RPA3: variants seen among roughly 807,000 people sequenced by gnomAD.
RPA3 encodes replication protein A3.
Under a neutral mutation model 13.7 loss-of-function variants are expected in RPA3, and 24 were observed. That is an observed-to-expected ratio of 1.75 (90% confidence interval 1.27 to 2.46). RPA3 has a LOEUF of 2.46. Ranked by LOEUF, RPA3 falls within the 30% of genes most tolerant of loss-of-function variation. The pLI, the probability that RPA3 is intolerant of heterozygous loss-of-function variation, is 0.00. For synonymous variants in RPA3, 59 were observed against 51.2 expected, an observed-to-expected ratio of 1.15 and a Z score of -0.65; for missense variants, 183 against 151.0, an observed-to-expected ratio of 1.21 and a Z score of -1.11.
chr7:7,637,080 G>C lies in RPA3; in HGVS notation c.286C>G (p.Leu96Val). ...QFKEDSHPFDLGLYNEAVKII... is the reference protein window; with the variant it reads ...QFKEDSHPFDVGLYNEAVKII... ...TTCACAGCTTCATTGTAAAGTCCAAGATCTGAAAGAAACATTTAAGCAAAC... is the reference window on the plus strand; with the variant it reads ...TTCACAGCTTCATTGTAAAGTCCAACATCTGAAAGAAACATTTAAGCAAAC... Residue 96 changes from leucine (L) to valine (V), a missense_variant and splice_region_variant, in exon 8 of 8, where the codon CTT (leucine) becomes GTT (valine). By Grantham distance (32) the Leu-to-Val change is conservative. Coordinates refer to ENST00000223129, the MANE Select transcript of RPA3 (RefSeq NM_002947.5). 3.1e-6 allele frequency: 5 copies of C among 1,600,948 alleles called. No homozygotes were observed. The highest frequency in any genetic ancestry group is 4.3e-6 in the Non-Finnish European group (5 of 1,168,462).
intron 1 of RPA3, among the ~76,000 whole-genome samples, chr7:7,716,193 T>C (rs987919839): frequency 2.0e-5 from 3 of 152,102 alleles, no homozygotes; most frequent in African/African-American, 7.2e-5. Flanking sequence ...CCATAGGTAG[T>C]TTTAGATGCC....
At chr7:7,655,697 A>G (rs1448432374) in intron 4 of RPA3, among the ~76,000 whole-genome samples, 3 of 152,248 alleles carry the variant, frequency 2.0e-5, no homozygotes, top group Non-Finnish European at 4.4e-5. Flanking sequence ...ATGATGTGAC[A>G]TTACATTTAG....
rs551809383 is a variant in RPA3, at chr7:7,640,480, C to T, written c.-62G>A. On this transcript the variant is annotated 5_prime_UTR_variant, in exon 5 of 8. Transcript: ENST00000223129. ...CGGACGACTGAAACTGTGCGCCCCGCGGGTGTCTATGGGGCAGATTTCTCG... is the reference window on the plus strand; with the variant it reads ...CGGACGACTGAAACTGTGCGCCCCGTGGGTGTCTATGGGGCAGATTTCTCG... The T allele has an allele frequency of 2.6e-6, 4 of 1,514,276 alleles. No homozygotes were observed. The highest frequency in any genetic ancestry group is 2.3e-5 in the East Asian group (1 of 44,238). The allele number at this position is 1,514,276 out of a possible 1,614,324, so 93.8% of individuals were successfully genotyped here.
At chr7:7,666,045 G>T (rs1261522237) in intron 4 of RPA3, among the ~76,000 whole-genome samples, 1 of 152,054 alleles carries the variant, frequency 6.6e-6, no homozygotes, top group African/African-American at 2.4e-5. Context: ...AAGTTATATG[G>T]TGGATATATG....
rs1028204717 is a variant in RPA3 at position 7,717,461 on chromosome 7, C to A, written c.-1080+1054G>T. Among the ~76,000 whole-genome samples the A allele has an allele frequency of 9.2e-5, 14 of 152,334 alleles. 1 individual carries two copies. The highest frequency in any genetic ancestry group is 8.5e-4 in the Admixed American group (13 of 15,296). On this transcript the variant is annotated intron_variant, in intron 1 of 7. Coordinates refer to ENST00000223129, the MANE Select transcript of RPA3 (RefSeq NM_002947.5). Reference sequence around the variant, plus strand: ...AGACGATAACCTCAGGTATTTACCTCAGACAACTCTGCTACTTCAGAAGTA... The same window carrying A: ...AGACGATAACCTCAGGTATTTACCTAAGACAACTCTGCTACTTCAGAAGTA...
At chr7:7,658,456 A>G (rs575771330) in intron 4 of RPA3, among the ~76,000 whole-genome samples, 3 of 152,328 alleles carry the variant, frequency 2.0e-5, no homozygotes, top group African/African-American at 7.2e-5. Flanking sequence ...TTTGTCATAA[A>G]TAGCTCTTAT....
At chr7:7,656,781 G>A (rs576334110) in intron 4 of RPA3, among the ~76,000 whole-genome samples, 4 of 152,222 alleles carry the variant, frequency 2.6e-5, no homozygotes, top group South Asian at 2.1e-4. Flanking sequence ...ACATACGTGC[G>A]CATGTGTCTT....
intron 4 of RPA3, among the ~76,000 whole-genome samples, chr7:7,650,200 A>G (rs572632661): frequency 9.2e-5 from 14 of 152,280 alleles, no homozygotes; most frequent in African/African-American, 3.1e-4. Context: ...TAATCCCACA[A>G]TTTACGTTCT....
rs757266102 is a variant in RPA3 at position 7,637,084 on chromosome 7, T to G, written c.284-2A>C. The G allele has an allele frequency of 1.2e-5, 19 of 1,596,944 alleles. No individual in the cohort carries two copies. The African/African-American group carries it at 2.4e-4, about 20-fold the overall frequency. On this transcript the variant is annotated splice_acceptor_variant, in intron 7 of 7. Coordinates refer to ENST00000223129, the MANE Select transcript of RPA3 (RefSeq NM_002947.5). LOFTEE classifies it high-confidence loss of function. ...CAGCTTCATTGTAAAGTCCAAGATC[T>G]GAAAGAAACATTTAAGCAAACATTT...
At chr7:7,664,946 C>G (rs1779400175) in intron 4 of RPA3, among the ~76,000 whole-genome samples, 1 of 152,084 alleles carries the variant, frequency 6.6e-6, no homozygotes, top group Non-Finnish European at 1.5e-5. Context: ...TTTTTCAGCA[C>G]TGTGAAATTT....
intron 4 of RPA3, among the ~76,000 whole-genome samples, chr7:7,666,507 C>T (rs960560968): frequency 3.9e-5 from 6 of 151,966 alleles, no homozygotes; most frequent in African/African-American, 1.5e-4. Flanking sequence ...TGTACCTGAC[C>T]GGGGCAAATC....
intron 2 of RPA3, among the ~76,000 whole-genome samples, chr7:7,710,069 C>T (rs1780714346): frequency 6.6e-6 from 1 of 152,078 alleles, no homozygotes; most frequent in South Asian, 2.1e-4. Flanking sequence ...CAGCAATTTG[C>T]CTCTCTCACT....
intron 4 of RPA3, among the ~76,000 whole-genome samples, chr7:7,671,701 C>G (rs757856173): frequency 3.9e-5 from 6 of 151,964 alleles, no homozygotes; most frequent in Non-Finnish European, 5.9e-5. Flanking sequence ...GATTCCTTGT[C>G]TTTTCATCCT....
At chr7:7,700,171 TG>T (rs1780425085) in intron 2 of RPA3, among the ~76,000 whole-genome samples, 1 of 152,186 alleles carries the variant, frequency 6.6e-6, no homozygotes, top group South Asian at 2.1e-4. Context: ...ATCAAGGCAT[TG>T]GCAAATAGGC....
intron 4 of RPA3, among the ~76,000 whole-genome samples, chr7:7,678,722 AAT>A (rs368642047): frequency 1.6e-4 from 18 of 110,220 alleles, no homozygotes; most frequent in African/African-American, 6.0e-4. Flanking sequence ...TTAGTTTATA[AAT>A]ATATATTTAT....
intron 2 of RPA3, among the ~76,000 whole-genome samples, chr7:7,695,682 G>A (rs541792273): frequency 2.0e-5 from 3 of 152,240 alleles, no homozygotes; most frequent in South Asian, 2.1e-4. Flanking sequence ...TTGCTTCTGA[G>A]CATATGCAAC....
At chr7:7,701,883 A>G (rs1780472591) in intron 2 of RPA3, among the ~76,000 whole-genome samples, 1 of 152,086 alleles carries the variant, frequency 6.6e-6, no homozygotes, top group South Asian at 2.1e-4. Context: ...ATCTTTCCTA[A>G]TAATTCACTG....
Position 7,639,119 on chromosome 7 carries a change from A to G in RPA3, c.125T>C (p.Ile42Thr). ...EKIHPTGKMF[I>T]LSDGEGKNGT... ...ATTTTTTCCTTCTCCATCTGAAAGA[A>G]TAAACATTTTTCCGGTGGGATGAAT... The change falls in exon 6 of 8, where the codon ATT becomes ACT. Residue 42 changes from isoleucine to threonine, a missense_variant. Transcript: ENST00000223129. 1 of 1,612,546 alleles carries G rather than the reference A, an allele frequency of 6.2e-7. No individual in the cohort carries two copies. Among genetic ancestry groups the G allele is most frequent in the Non-Finnish European group, 8.5e-7 (1 of 1,179,504 alleles).
chr7:7,650,927 T>C (rs528347696), intron 4 of RPA3, among the ~76,000 whole-genome samples: 2 of 152,300 alleles, frequency 1.3e-5, no homozygotes, highest in South Asian at 4.1e-4. Flanking sequence ...AGATCTTGGT[T>C]AATGTATAGT....
Sources: gnomAD v4.1 joint callset for allele counts (sites outside exome capture counted in the v4.1 genomes callset) on GRCh38, gnomAD v4.1.1 for gene constraint, MANE v1.5 for transcripts, NCBI Gene and HGNC (gene_info 2026-07-23, HGNC 2026-07-21) for gene names.